Variants in PPP6R3 observed in about 807,000 individuals in gnomAD.
PPP6R3 encodes the protein serine/threonine-protein phosphatase 6 regulatory subunit 3.
Under a neutral mutation model 110.7 loss-of-function variants are expected in PPP6R3, and 38 were observed. That is an observed-to-expected ratio of 0.34 (90% CI 0.26 to 0.45). The LOEUF is 0.45. Among genes scored for constraint, PPP6R3 ranks in the 20% least tolerant of loss-of-function variants. The pLI, the probability that PPP6R3 is intolerant of heterozygous loss-of-function variation, is 1.00. For synonymous variants in PPP6R3, 369 were observed against 373.5 expected, an observed-to-expected ratio of 0.99 and a Z score of 0.14; for missense variants, 870 against 1,062.4, an observed-to-expected ratio of 0.82 and a Z score of 2.52.
intron 3 of PPP6R3, among the ~76,000 whole-genome samples, chr11:68,542,212 C>T (rs11228279): frequency 0.62 from 93,364 of 149,776 alleles, 30,223 homozygotes; most frequent in South Asian, 0.8. Flanking sequence ...GCAAGGGCCA[C>T]TCCCCTGGAG....
intron 19 of PPP6R3, among the ~76,000 whole-genome samples, chr11:68,596,914 T>G (rs910212829): frequency 6.6e-6 from 1 of 152,154 alleles, no homozygotes; most frequent in African/African-American, 2.4e-5. Context: ...GTGGACCTTG[T>G]GGTGACTTCA....
At position 68,547,326 on chromosome 11, in the gene PPP6R3, C is replaced by T. The variant is rs565946688; in HGVS notation, c.415-741C>T. On this transcript the variant is annotated intron_variant, in intron 4 of 23. Coordinates refer to ENST00000393800, the MANE Select transcript of PPP6R3 (RefSeq NM_001164161.2). ...CAGCTGCGACACTCCCCCTGGGACT[C>T]GCAGAGGGTTTGGGAATAGATGACA... 5.9e-5 allele frequency among the ~76,000 whole-genome samples: 9 copies of T among 152,166 alleles called. No individual in the cohort carries two copies. The East Asian group carries it at 1.4e-3, about 23-fold the overall frequency.
intron 12 of PPP6R3, among the ~76,000 whole-genome samples, chr11:68,571,609 G>A (rs960006793): frequency 2.0e-5 from 3 of 152,200 alleles, no homozygotes; most frequent in African/African-American, 7.2e-5. Context: ...GTTGATACAT[G>A]TAAGTAGCTT....
intron 15 of PPP6R3, among the ~76,000 whole-genome samples, chr11:68,584,364 C>T (rs1052898284): frequency 6.6e-6 from 1 of 152,306 alleles, no homozygotes; most frequent in African/African-American, 2.4e-5. Flanking sequence ...ACAATGGGCT[C>T]TCCCTCCACT....
intron 1 of PPP6R3, among the ~76,000 whole-genome samples, chr11:68,478,196 C>T (rs1462780289): frequency 6.6e-6 from 1 of 152,084 alleles, no homozygotes; most frequent in African/African-American, 2.4e-5. Context: ...GATACACCTG[C>T]CTCAGCCTTC....
intron 1 of PPP6R3, among the ~76,000 whole-genome samples, chr11:68,463,858 A>ATT (rs1463109271): frequency 3.9e-5 from 6 of 152,032 alleles, no homozygotes; most frequent in Non-Finnish European, 7.4e-5. Context: ...GTCTGGACAT[A>ATT]TTTTTGCTTG....
chr11:68,579,475 T>C (rs927254614), intron 14 of PPP6R3, among the ~76,000 whole-genome samples: 3 of 152,278 alleles, frequency 2.0e-5, no homozygotes, highest in Non-Finnish European at 2.9e-5. Context: ...AAGAGTGTTA[T>C]ATACTTGTTG....
At chr11:68,537,255 T>C (rs575192384) in intron 2 of PPP6R3, among the ~76,000 whole-genome samples, 1 of 152,330 alleles carries the variant, frequency 6.6e-6, no homozygotes, top group African/African-American at 2.4e-5. Flanking sequence ...TTTAGTTCTT[T>C]AGTCTTCTGA....
Position 68,503,094 on chromosome 11 carries a change from C to T in PPP6R3, c.-157-16407C>T, listed in dbSNP as rs546610853. 3.3e-5 allele frequency among the ~76,000 whole-genome samples: 5 copies of T among 151,446 alleles called. No individual in the cohort carries two copies. The South Asian group carries it at 1.0e-3, about 31-fold the overall frequency. ...GAGTACCTGGGACTACAGGCGCACA[C>T]CACCACGCCTGGCTAATTTTTGTAT... On this transcript the variant is annotated intron_variant, in intron 1 of 23. Transcript: ENST00000393800.
intron 14 of PPP6R3, among the ~76,000 whole-genome samples, chr11:68,579,067 C>G (rs968257782): frequency 5.9e-5 from 9 of 152,164 alleles, no homozygotes; most frequent in African/African-American, 2.2e-4. Flanking sequence ...CCATCATTGA[C>G]AAGACAGTGT....
chr11:68,478,839 G>A (rs2098868667), intron 1 of PPP6R3, among the ~76,000 whole-genome samples: 1 of 151,800 alleles, frequency 6.6e-6, no homozygotes, highest in South Asian at 2.1e-4. Context: ...TATGTCTTCA[G>A]TAGAGAGGGG....
intron 19 of PPP6R3, among the ~76,000 whole-genome samples, chr11:68,597,628 G>A (rs935496370): frequency 1.3e-5 from 2 of 152,094 alleles, no homozygotes; most frequent in Non-Finnish European, 2.9e-5. Context: ...CAGATGCCCT[G>A]ATCTGTTGGC....
At chr11:68,468,414 C>A (rs755365581) in intron 1 of PPP6R3, among the ~76,000 whole-genome samples, 6 of 152,194 alleles carry the variant, frequency 3.9e-5, no homozygotes, top group Non-Finnish European at 5.9e-5. Flanking sequence ...TGAGACCCTG[C>A]CCCTTCTGAG....
At chr11:68,526,979 T>C (rs183268988) in intron 2 of PPP6R3, among the ~76,000 whole-genome samples, 1 of 152,342 alleles carries the variant, frequency 6.6e-6, no homozygotes, top group East Asian at 1.9e-4. Context: ...ATGATAAGGT[T>C]GTACATCTTG....
At chr11:68,475,608 G>A (rs905473294) in intron 1 of PPP6R3, among the ~76,000 whole-genome samples, 5 of 105,586 alleles carry the variant, frequency 4.7e-5, no homozygotes, top group Non-Finnish European at 1.1e-4. Flanking sequence ...CCTCCCTCCC[G>A]GACGGGGCGG....
intron 15 of PPP6R3, 70 bp downstream of exon 15, chr11:68,583,199 C>T: frequency 8.4e-7 from 1 of 1,189,878 alleles, no homozygotes; most frequent in Non-Finnish European, 1.2e-6. Flanking sequence ...TTTTATGAAT[C>T]AGCTTCAGAG....
intron 14 of PPP6R3, among the ~76,000 whole-genome samples, chr11:68,580,746 C>CTTTTTTT (rs71043441): frequency 1.5e-5 from 1 of 67,530 alleles, no homozygotes; most frequent in Non-Finnish European, 2.8e-5. Context: ...GGTAAATAAT[C>CTTTTTTT]TTTTTTTTTT....
At chr11:68,499,445 TC>T (rs1239630921) in intron 1 of PPP6R3, among the ~76,000 whole-genome samples, 5 of 152,180 alleles carry the variant, frequency 3.3e-5, no homozygotes, top group African/African-American at 4.8e-5. Flanking sequence ...GGTGATAACT[TC>T]CCACTGAGAG....
intron 20 of PPP6R3, 114 bp from the exon 21 acceptor site, chr11:68,601,749 C>A: frequency 1.3e-6 from 1 of 796,142 alleles, no homozygotes; most frequent in Non-Finnish European, 2.1e-6. Flanking sequence ...GTGACTCTTA[C>A]ACAGATGCTA....
Sources: gnomAD v4.1 joint callset for allele counts (sites outside exome capture counted in the v4.1 genomes callset) on GRCh38, gnomAD v4.1.1 for gene constraint, MANE v1.5 for transcripts, NCBI Gene and HGNC (gene_info 2026-07-23, HGNC 2026-07-21) for gene names.